The following CLPX variants were observed in gnomAD, a reference collection of about 807,000 sequenced individuals.
The protein encoded by CLPX is ATP-dependent clpX-like chaperone, mitochondrial.
Under a neutral mutation model 76.4 loss-of-function variants are expected in CLPX, and 34 were observed. The observed-to-expected ratio is 0.45, with a 90% confidence interval of 0.34 to 0.59. The LOEUF (loss-of-function observed/expected upper bound fraction) is 0.59, where lower values mean the gene tolerates loss of function less well. Among genes scored for constraint, CLPX ranks in the 20% least tolerant of loss-of-function variants. The pLI is 0.01. For missense variants in CLPX, 613 were observed against 757.0 expected (o/e 0.81, Z 2.23); for synonymous variants, 248 against 270.9 (o/e 0.92, Z 0.83).
rs2087682582 is a variant in CLPX, at chr15:65,148,703, T to G, written c.*2120A>C. 6.6e-6 allele frequency: 1 copy of G among 151,492 alleles called. No homozygotes were observed. Among genetic ancestry groups the G allele is most frequent in the Non-Finnish European group, 1.5e-5 (1 of 67,906 alleles). The allele number at this position is 151,492 out of a possible 1,614,324, so 9.4% of individuals were successfully genotyped here. A position where few individuals can be genotyped will look rare whatever the true frequency, so the allele number is the denominator to read the frequency against. Reference sequence around the variant, plus strand: ...GCTTTAGTTTTTCCCTAAAAAAAACTGTGTAAAAGGAAAGCTCGAGTCTAT... The same window carrying G: ...GCTTTAGTTTTTCCCTAAAAAAAACGGTGTAAAAGGAAAGCTCGAGTCTAT... On this transcript the variant is annotated 3_prime_UTR_variant, in exon 14 of 14. Coordinates refer to ENST00000300107, the MANE Select transcript of CLPX (RefSeq NM_006660.5).
At chr15:65,176,824 A>G (rs1595946495) in intron 3 of CLPX, among the ~76,000 whole-genome samples, 1 of 151,688 alleles carries the variant, frequency 6.6e-6, no homozygotes, top group South Asian at 2.1e-4. Flanking sequence ...TGAACGCCTC[A>G]CCTCTGGTGA....
chr15:65,153,741 C>A, intron 11 of CLPX, 102 bp from the exon 12 acceptor site: 1 of 620,794 alleles, frequency 1.6e-6, no homozygotes, highest in South Asian at 2.5e-5. Context: ...TGTTTTGGAA[C>A]CCTGCCTTCA....
chr15:65,178,839 T>G, intron 3 of CLPX, 95 bp downstream of exon 3: 1 of 681,256 alleles, frequency 1.5e-6, no homozygotes, highest in Non-Finnish European at 2.4e-6. Context: ...ACCTGGCCTA[T>G]ATTTATACAT....
In CLPX at chr15:65,185,197, G is replaced by A; in HGVS notation, c.-44C>T. The A allele has an allele frequency of 2.0e-6, 3 of 1,487,306 alleles. No individual in the cohort carries two copies. The highest frequency in any genetic ancestry group is 2.7e-6 in the Non-Finnish European group (3 of 1,091,786). The allele number at this position is 1,487,306 out of a possible 1,614,324, so 92.1% of individuals were successfully genotyped here. A position where few individuals can be genotyped will look rare whatever the true frequency, so the allele number is the denominator to read the frequency against. On this transcript the variant is annotated 5_prime_UTR_variant, in exon 1 of 14. Transcript: ENST00000300107. ...GGGGCTTCGCCCCCTGAGGACCTCCGGGTCACAGCGGCGTGAATCCTGCCC... is the reference window on the plus strand; with the variant it reads ...GGGGCTTCGCCCCCTGAGGACCTCCAGGTCACAGCGGCGTGAATCCTGCCC...
chr15:65,153,604 A>G lies in CLPX; in HGVS notation c.1647T>C (p.Ala549=). ...TTCGTTCTAGTGCCAATCTGGCTAT[A>G]GCTTTCAAAGCATCCTCAGTAACAT... ...ELNVTEDALK[A]IARLALERKT... Residue 549 remains alanine, a synonymous_variant, in exon 12 of 14, where the codon GCT becomes GCC. Transcript: ENST00000300107. 1.3e-6 allele frequency: 2 copies of G among 1,593,534 alleles called. No homozygotes were observed. Among genetic ancestry groups the G allele is most frequent in the Non-Finnish European group, 1.7e-6 (2 of 1,171,778 alleles).
chr15:65,154,878 T>C lies in CLPX; in HGVS notation c.1515A>G (p.Pro505=), dbSNP rs1347367649. ...EFVGRLPVVV[P]LHSLDEKTLV... is the part of the protein sequence containing the mutation. ...GTGTTTTCTCATCTAGGCTATGCAA[T>C]GGAACCACCACAGGCAACCGTCCCA... The change falls in exon 11 of 14, where the codon CCA becomes CCG. Residue 505 remains proline, a synonymous_variant. Transcript: ENST00000300107. 6.2e-7 allele frequency: 1 copy of C among 1,614,204 alleles called. No individual in the cohort carries two copies. The highest frequency in any genetic ancestry group is 1.7e-5 in the Admixed American group (1 of 60,030).
intron 11 of CLPX, 107 bp from the exon 12 acceptor site, chr15:65,153,746 C>A: frequency 1.7e-6 from 1 of 595,748 alleles, no homozygotes; most frequent in South Asian, 2.5e-5. Context: ...TGGAACCCTG[C>A]CTTCAAGAAG....
At chr15:65,184,071 C>T (rs2088218773) in intron 1 of CLPX, among the ~76,000 whole-genome samples, 1 of 152,082 alleles carries the variant, frequency 6.6e-6, no homozygotes. Context: ...AGTAAAGAAA[C>T]TGGAAGATAT....
intron 3 of CLPX, among the ~76,000 whole-genome samples, chr15:65,173,836 A>AG (rs1455868954): frequency 2.6e-5 from 4 of 152,226 alleles, no homozygotes; most frequent in Non-Finnish European, 5.9e-5. Context: ...ACCCATTGAT[A>AG]GAGAAAGTAG....
In CLPX at chr15:65,149,175, A is replaced by T. The variant is rs2087687410; in HGVS notation, c.*1648T>A. On this transcript the variant is annotated 3_prime_UTR_variant, in exon 14 of 14. Coordinates refer to ENST00000300107, the MANE Select transcript of CLPX (RefSeq NM_006660.5). ...ATGACTGATACTGCATGCTATTTCT[A>T]GAATTAGATATGTATCTTTCTGGCT... 1 of 153,598 alleles carries T rather than the reference A, an allele frequency of 6.5e-6. No homozygotes were observed. Among genetic ancestry groups the T allele is most frequent in the African/African-American group, 2.4e-5 (1 of 41,460 alleles). The allele number at this position is 153,598 out of a possible 1,614,324, so 9.5% of individuals were successfully genotyped here. A position where few individuals can be genotyped will look rare whatever the true frequency, so the allele number is the denominator to read the frequency against.
At chr15:65,184,372 G>A (rs1404991342) in intron 1 of CLPX, 2 of 152,248 alleles carry the variant, frequency 1.3e-5, no homozygotes, top group Non-Finnish European at 2.9e-5. Context: ...CTACCTCCCG[G>A]TCAAGTTGGG....
At position 65,166,747 on chromosome 15, in the gene CLPX, A is replaced by AATG; in HGVS notation, c.394_396dup (p.His132dup). On this transcript the variant is annotated inframe_insertion, in exon 4 of 14. Coordinates refer to ENST00000300107, the MANE Select transcript of CLPX (RefSeq NM_006660.5). The stretch of plus-strand genomic sequence containing the variant: ...TCTGCTTCAGATAGCACAACAAAAA[A>AATG]ATGATGACACTTTTCACACTTGACA... 1 of 1,614,030 alleles carries AATG rather than the reference A, an allele frequency of 6.2e-7. No homozygotes were observed. The highest frequency in any genetic ancestry group is 8.5e-7 in the Non-Finnish European group (1 of 1,179,976).
Position 65,166,801 on chromosome 15 carries a change from G to A in CLPX, c.359-16C>T. 5 of 1,601,980 alleles carry A rather than the reference G, an allele frequency of 3.1e-6. No homozygotes were observed. Among genetic ancestry groups the A allele is most frequent in the Non-Finnish European group, 4.3e-6 (5 of 1,175,366 alleles). On this transcript the variant is annotated splice_polypyrimidine_tract_variant and intron_variant, in intron 3 of 13. Transcript: ENST00000300107. ...CGGGTGGATGCTGTAAAAGAAAACAGACATAAGTAGAGGGAAATAAAAAAT... is the reference window on the plus strand; with the variant it reads ...CGGGTGGATGCTGTAAAAGAAAACAAACATAAGTAGAGGGAAATAAAAAAT...
rs376866919 is a variant in CLPX at position 65,164,122 on chromosome 15, C to T, written c.580G>A (p.Val194Met). Residue 194 changes from valine to methionine, a missense_variant, in exon 5 of 14, where the codon GTG (valine) becomes ATG (methionine). Around this residue, in one of 2 missense-constraint regions of CLPX, gnomAD observed 450 missense variants for 638.6 expected, o/e 0.70. Transcript: ENST00000300107. ...SFAKKVLSVA[V>M]YNHYKRIYNN... ...TATATTCTCTTATAATGATTGTACA[C>T]AGCAACTGAAAGCACCTTCTTAGCA... is the stretch of plus-strand genomic sequence containing the variant. 1.9e-6 allele frequency: 3 copies of T among 1,613,064 alleles called. No individual in the cohort carries two copies. Among genetic ancestry groups the T allele is most frequent in the African/African-American group, 2.7e-5 (2 of 74,870 alleles).
intron 3 of CLPX, among the ~76,000 whole-genome samples, chr15:65,177,225 C>T (rs993212637): frequency 7.2e-5 from 11 of 152,160 alleles, no homozygotes; most frequent in African/African-American, 2.2e-4. Flanking sequence ...CACGCCACCA[C>T]GCCCGGCTAA....
rs777939567 is a variant in CLPX at position 65,154,955 on chromosome 15, G to A, written c.1438C>T (p.Arg480Cys). The A allele has an allele frequency of 8.1e-6, 13 of 1,614,012 alleles. No individual in the cohort carries two copies. The highest frequency in any genetic ancestry group is 1.1e-5 in the Non-Finnish European group (13 of 1,180,002). The change falls in exon 11 of 14, where the codon CGT (arginine) becomes TGT (cysteine). Residue 480 changes from arginine (R) to cysteine (C), a missense_variant. Coordinates refer to ENST00000300107, the MANE Select transcript of CLPX (RefSeq NM_006660.5). Reference protein sequence around the residue: ...QDIEEKDRLLRHVEARDLIEF... With the variant: ...QDIEEKDRLLCHVEARDLIEF... ...ATCAGATCTCTGGCTTCCACATGAC[G>A]CAATAACCGATCTTTTTCTTCAATG... is the stretch of plus-strand genomic sequence containing the variant.
chr15:65,159,647 A>G (rs2087828700), intron 6 of CLPX, among the ~76,000 whole-genome samples: 1 of 152,074 alleles, frequency 6.6e-6, no homozygotes, highest in South Asian at 2.1e-4. Context: ...ACAAAACAAA[A>G]TAAAAATGAA....
Position 65,178,982 on chromosome 15 carries a change from G to C in CLPX, c.310C>G (p.Arg104Gly). 1 of 1,611,950 alleles carries C rather than the reference G, an allele frequency of 6.2e-7. No individual in the cohort carries two copies. Among genetic ancestry groups the C allele is most frequent in the Non-Finnish European group, 8.5e-7 (1 of 1,178,458 alleles). Residue 104 changes from arginine to glycine, a missense_variant, in exon 3 of 14, where the codon CGC becomes GGC. By Grantham distance (125) the Arg-to-Gly change is moderately radical. Transcript: ENST00000300107. ...CACAAGTCGCCACATTTAGGACAGCGCAGCTGGTTTCCACCTTTCCCAGAA... is the reference window on the plus strand; with the variant it reads ...CACAAGTCGCCACATTTAGGACAGCCCAGCTGGTTTCCACCTTTCCCAGAA... Reference protein sequence around the residue: ...GNSGKGGNQLRCPKCGDLCTH... With the variant: ...GNSGKGGNQLGCPKCGDLCTH...
chr15:65,153,057 CTG>C (rs1351615338), intron 12 of CLPX, among the ~76,000 whole-genome samples: 2 of 151,848 alleles, frequency 1.3e-5, no homozygotes, highest in East Asian at 3.9e-4. Flanking sequence ...TCCCGATTTT[CTG>C]TGTCATTAAT....
Sources: gnomAD v4.1 joint callset for allele counts (sites outside exome capture counted in the v4.1 genomes callset) on GRCh38, gnomAD v4.1.1 for gene constraint, gnomAD v4.1.1 regional missense constraint, MANE v1.5 for transcripts, NCBI Gene and HGNC (gene_info 2026-07-23, HGNC 2026-07-21) for gene names.